ZNF248: variants seen among roughly 807,000 people sequenced by gnomAD.
ZNF248 encodes the protein KRAB protein domain.
A neutral mutation model predicts 44.3 loss-of-function variants in ZNF248; 20 were observed. The ratio of observed to expected loss-of-function variants is 0.45; its 90% confidence interval spans 0.32 to 0.66. The LOEUF (loss-of-function observed/expected upper bound fraction) is 0.66. Among genes scored for constraint, ZNF248 ranks in the 30% least tolerant of loss-of-function variants. The pLI, the probability that ZNF248 is intolerant of heterozygous loss-of-function variation, is 0.04. For missense variants in ZNF248, 654 were observed against 677.0 expected (o/e 0.97, Z 0.38); for synonymous variants, 224 against 229.0 (o/e 0.98, Z 0.20).
Position 37,831,570 on chromosome 10 carries a change from G to C in ZNF248, c.*45C>G, listed in dbSNP as rs1406578535. The C allele has an allele frequency of 1.9e-6, 3 of 1,559,748 alleles. No homozygotes were observed. In the African/African-American group the frequency reaches 4.2e-5, roughly 22 times the overall value. On this transcript the variant is annotated 3_prime_UTR_variant, in exon 6 of 6. Transcript: ENST00000395867. ...TTGGCTTTCTCTGATCTCCTTTTTT[G>C]AAACTGTATAACCAATTTCACAAGT...
intron 3 of ZNF248, among the ~76,000 whole-genome samples, chr10:37,851,752 T>G (rs576225999): frequency 2.6e-5 from 1 of 37,810 alleles, no homozygotes; most frequent in Admixed American, 3.6e-4. Context: ...AATCACTATA[T>G]ACCCATCAGA....
At chr10:37,813,522 T>C (rs1304064370) in intron 6 of ZNF248, among the ~76,000 whole-genome samples, 1 of 152,174 alleles carries the variant, frequency 6.6e-6, no homozygotes, top group Non-Finnish European at 1.5e-5. Context: ...GCCTATTCAA[T>C]GTGATGACAA....
intron 6 of ZNF248, among the ~76,000 whole-genome samples, chr10:37,779,445 C>T (rs2047014254): frequency 1.3e-5 from 2 of 152,048 alleles, no homozygotes; most frequent in Non-Finnish European, 1.5e-5. Flanking sequence ...GCAGAAAAGG[C>T]CTTTGACAAA....
downstream of ZNF248, among the ~76,000 whole-genome samples, chr10:37,774,070 C>T (rs1301015754): frequency 6.6e-6 from 1 of 152,024 alleles, no homozygotes; most frequent in Non-Finnish European, 1.5e-5. Context: ...TGACACAGGG[C>T]TTAGGGCATG....
chr10:37,835,757 T>A (rs1004572030), intron 5 of ZNF248, among the ~76,000 whole-genome samples: 2 of 152,198 alleles, frequency 1.3e-5, no homozygotes, highest in African/African-American at 4.8e-5. Context: ...ACATTTACTA[T>A]CTGGTCATTT....
At chr10:37,843,317 AGG>A (rs35895522) in intron 3 of ZNF248, among the ~76,000 whole-genome samples, 2,904 of 151,596 alleles carry the variant, frequency 0.019, 38 homozygotes, top group Non-Finnish European at 0.029. Context: ...CCCAGTTGCA[AGG>A]GAGGCTGATG....
intron 6 of ZNF248, among the ~76,000 whole-genome samples, chr10:37,781,817 C>A (rs1305738309): frequency 3.3e-5 from 5 of 152,180 alleles, no homozygotes; most frequent in Non-Finnish European, 7.3e-5. Context: ...GCTTGTTGAA[C>A]AGTGAAGCAC....
At chr10:37,826,741 A>G (rs2054450019), downstream of ZNF248, among the ~76,000 whole-genome samples, 1 of 152,224 alleles carries the variant, frequency 6.6e-6, no homozygotes, top group African/African-American at 2.4e-5. Flanking sequence ...AATTAAAAAT[A>G]CAACTTAAAA....
At chr10:37,775,393 G>C (rs1273154136), downstream of ZNF248, 2 of 152,134 alleles carry the variant, frequency 1.3e-5, no homozygotes, top group Non-Finnish European at 2.9e-5. Context: ...AGGGGAAGCT[G>C]AATGTACAGT....
intron 1 of ZNF248, 78 bp from the exon 2 acceptor site, chr10:37,856,610 G>A (rs2061333910): frequency 2.8e-6 from 3 of 1,082,590 alleles, no homozygotes; most frequent in Non-Finnish European, 3.3e-6. Context: ...AAACACTATG[G>A]GTTTGTCAAA....
intron 6 of ZNF248, among the ~76,000 whole-genome samples, chr10:37,799,996 C>A (rs1247125757): frequency 6.6e-6 from 1 of 151,358 alleles, no homozygotes; most frequent in Non-Finnish European, 1.5e-5. Flanking sequence ...TTGCTTGAGC[C>A]CAAGAGTTCA....
At chr10:37,773,736 T>A (rs577772728), downstream of ZNF248, among the ~76,000 whole-genome samples, 3 of 152,304 alleles carry the variant, frequency 2.0e-5, no homozygotes, top group African/African-American at 7.2e-5. Flanking sequence ...TCTCTCTTTC[T>A]TATGAAGACA....
intron 6 of ZNF248, among the ~76,000 whole-genome samples, chr10:37,783,521 T>C (rs1189435892): frequency 6.6e-6 from 1 of 152,218 alleles, no homozygotes; most frequent in Admixed American, 6.5e-5. Flanking sequence ...AATAAGATTT[T>C]GTCAAAGTTA....
At chr10:37,807,409 C>T (rs1039878969) in intron 6 of ZNF248, among the ~76,000 whole-genome samples, 25 of 152,176 alleles carry the variant, frequency 1.6e-4, no homozygotes, top group African/African-American at 5.8e-4. Context: ...TATCGGGGGT[C>T]CCTTTGGATT....
intron 6 of ZNF248, among the ~76,000 whole-genome samples, chr10:37,804,527 C>T (rs373058204): frequency 1.4e-4 from 21 of 152,214 alleles, no homozygotes; most frequent in East Asian, 5.8e-4. Context: ...TCCGCCTCCC[C>T]GGCTCAAGTG....
intron 3 of ZNF248, among the ~76,000 whole-genome samples, chr10:37,842,030 C>A (rs2058435876): frequency 6.6e-6 from 1 of 152,040 alleles, no homozygotes; most frequent in Non-Finnish European, 1.5e-5. Context: ...TTAAGAAAAT[C>A]CCAATAAAGT....
intron 3 of ZNF248, among the ~76,000 whole-genome samples, chr10:37,843,133 A>G (rs751537459): frequency 1.4e-4 from 22 of 152,198 alleles, no homozygotes; most frequent in Non-Finnish European, 2.6e-4. Context: ...ATATAGAACA[A>G]GGAAACCAGA....
chr10:37,823,786 C>A (rs1238847034), downstream of ZNF248, among the ~76,000 whole-genome samples: 2 of 152,044 alleles, frequency 1.3e-5, no homozygotes, highest in African/African-American at 4.8e-5. Flanking sequence ...GTTGGCCAGG[C>A]TGGTCTTGAA....
downstream of ZNF248, among the ~76,000 whole-genome samples, chr10:37,825,439 A>T (rs2054226921): frequency 1.3e-5 from 2 of 152,012 alleles, no homozygotes; most frequent in African/African-American, 4.8e-5. Context: ...ACATTTCCAA[A>T]TTTTTTCTTT....
Sources: allele counts gnomAD v4.1 joint callset (sites outside exome capture counted in the v4.1 genomes callset), GRCh38; gene constraint gnomAD v4.1.1; transcripts MANE v1.5; gene names NCBI Gene and HGNC (gene_info 2026-07-23, HGNC 2026-07-21).